STPG4: variants seen among roughly 807,000 people sequenced by gnomAD.
The protein encoded by STPG4 is sperm-tail PG-rich repeat containing 4.
STPG4 carries 41 observed loss-of-function variants against 31.5 expected under a neutral mutation model. That is an observed-to-expected ratio of 1.30 (90% confidence interval 1.01 to 1.69). STPG4 has a LOEUF of 1.69. Ranked by LOEUF, STPG4 falls within the 40% of genes most tolerant of loss-of-function variation. The probability of loss-of-function intolerance (pLI) is 0.00; values close to 1 mark genes in which losing one functional copy is unlikely to be tolerated. For synonymous variants in STPG4, 141 were observed against 103.0 expected (o/e 1.37, Z -2.24); for missense variants, 375 against 293.4 (o/e 1.28, Z -2.03).
intron 1 of STPG4, among the ~76,000 whole-genome samples, 157 bp downstream of exon 1, chr2:47,155,014 G>A (rs77530069): frequency 0.039 from 5,938 of 152,166 alleles, 367 homozygotes; most frequent in African/African-American, 0.14. Flanking sequence ...CAGGAAGGAA[G>A]GTCCGCAGGT....
chr2:47,087,235 G>T, intron 6 of STPG4, 105 bp from the exon 7 acceptor site: 2 of 1,347,010 alleles, frequency 1.5e-6, no homozygotes, highest in Non-Finnish European at 2.0e-6. Flanking sequence ...ATTCCCCAAG[G>T]ATGAAGACCA....
Position 47,155,268 on chromosome 2 carries a change from T to A in STPG4, c.-17A>T, listed in dbSNP as rs1424708126. 6.2e-7 allele frequency: 1 copy of A among 1,613,842 alleles called. No individual in the cohort carries two copies. Among genetic ancestry groups the A allele is most frequent in the Non-Finnish European group, 8.5e-7 (1 of 1,179,806 alleles). On this transcript the variant is annotated 5_prime_UTR_variant, in exon 1 of 7. Coordinates refer to ENST00000445927, the MANE Select transcript of STPG4 (RefSeq NM_001163561.2). ...CTGGTCCATGGTGGCCTCCTCTCTC[T>A]CTAGGCTGAACCTGAGCTCCGGTTG... is the stretch of plus-strand genomic sequence containing the variant.
At chr2:47,119,511 A>G (rs1686223718) in intron 5 of STPG4, among the ~76,000 whole-genome samples, 2 of 152,206 alleles carry the variant, frequency 1.3e-5, no homozygotes, top group African/African-American at 4.8e-5. Flanking sequence ...ACTAATAGTA[A>G]ACAAATCATT....
intron 5 of STPG4, among the ~76,000 whole-genome samples, chr2:47,091,401 C>A (rs1052004378): frequency 6.6e-6 from 1 of 152,212 alleles, no homozygotes; most frequent in African/African-American, 2.4e-5. Flanking sequence ...AGTCTTCAGC[C>A]TAGAATGTGG....
At chr2:47,123,903 G>A (rs190048073) in intron 5 of STPG4, among the ~76,000 whole-genome samples, 3 of 152,128 alleles carry the variant, frequency 2.0e-5, no homozygotes, top group African/African-American at 7.2e-5. Flanking sequence ...AGGATAAATG[G>A]GGTATCCATC....
chr2:47,153,497 A>C (rs1686975300), intron 1 of STPG4, among the ~76,000 whole-genome samples: 1 of 152,256 alleles, frequency 6.6e-6, no homozygotes, highest in Admixed American at 6.5e-5. Context: ...TCACGCCTGT[A>C]ATCTCAGCAC....
intron 5 of STPG4, among the ~76,000 whole-genome samples, chr2:47,109,373 A>G (rs1241097866): frequency 5.9e-5 from 9 of 152,176 alleles, no homozygotes; most frequent in African/African-American, 1.9e-4. Context: ...CCTGGCCAAC[A>G]TGGTGAAACC....
chr2:47,089,511 C>A (rs1685525450), intron 6 of STPG4, among the ~76,000 whole-genome samples: 2 of 152,322 alleles, frequency 1.3e-5, no homozygotes, highest in South Asian at 4.1e-4. Flanking sequence ...TGGGTGGGCC[C>A]ATTTTCTTAC....
At chr2:47,091,142 A>AGGAAG (rs1180173370) in intron 5 of STPG4, among the ~76,000 whole-genome samples, 2 of 127,536 alleles carry the variant, frequency 1.6e-5, no homozygotes, top group African/African-American at 2.9e-5. Flanking sequence ...GAAGGAAAGA[A>AGGAAG]GGAAGGGAAG....
intron 5 of STPG4, among the ~76,000 whole-genome samples, chr2:47,115,503 T>C (rs1686129465): frequency 6.6e-6 from 1 of 152,212 alleles, no homozygotes; most frequent in Admixed American, 6.5e-5. Flanking sequence ...TATAGAATCC[T>C]AAGTTGAAAA....
intron 5 of STPG4, among the ~76,000 whole-genome samples, chr2:47,126,168 T>C (rs1164721405): frequency 2.6e-5 from 4 of 152,198 alleles, no homozygotes; most frequent in Admixed American, 6.5e-5. Flanking sequence ...TTCTTTCAGT[T>C]TTGTTCATTT....
chr2:47,146,675 G>T (rs761623059), intron 3 of STPG4, among the ~76,000 whole-genome samples: 1 of 152,150 alleles, frequency 6.6e-6, no homozygotes, highest in Admixed American at 6.5e-5. Context: ...TCATAGCCTT[G>T]AGTGAGACTG....
chr2:47,151,723 C>G (rs549270792), intron 2 of STPG4, among the ~76,000 whole-genome samples: 1 of 151,568 alleles, frequency 6.6e-6, no homozygotes, highest in African/African-American at 2.4e-5. Flanking sequence ...TTAAAGCAAA[C>G]GGGTTAGAGT....
intron 3 of STPG4, among the ~76,000 whole-genome samples, chr2:47,145,917 T>G (rs985786516): frequency 6.6e-6 from 1 of 152,294 alleles, no homozygotes; most frequent in African/African-American, 2.4e-5. Flanking sequence ...CGTTGAATAG[T>G]AAATTTAAAT....
At chr2:47,131,439 T>C (rs1051752743) in intron 3 of STPG4, among the ~76,000 whole-genome samples, 2 of 152,334 alleles carry the variant, frequency 1.3e-5, no homozygotes, top group Admixed American at 6.5e-5. Context: ...GATCACACTT[T>C]AAATATTCTA....
intron 5 of STPG4, among the ~76,000 whole-genome samples, chr2:47,109,556 GAA>G (rs533888510): frequency 0.013 from 1,118 of 88,794 alleles, 13 homozygotes; most frequent in African/African-American, 0.038. Context: ...CTATGTATCA[GAA>G]AAAAAAAAAA....
chr2:47,118,504 G>A (rs1480097495), intron 5 of STPG4, among the ~76,000 whole-genome samples: 1 of 152,126 alleles, frequency 6.6e-6, no homozygotes, highest in Non-Finnish European at 1.5e-5. Context: ...ATAATGTAAT[G>A]CACTTGAATC....
At chr2:47,143,639 C>T (rs1173864119) in intron 3 of STPG4, among the ~76,000 whole-genome samples, 3 of 152,100 alleles carry the variant, frequency 2.0e-5, no homozygotes, top group African/African-American at 7.2e-5. Context: ...GCGTGCGCCA[C>T]CACGCCCGGC....
At chr2:47,147,906 A>G (rs11125124) in intron 3 of STPG4, among the ~76,000 whole-genome samples, 1 of 152,088 alleles carries the variant, frequency 6.6e-6, no homozygotes, top group African/African-American at 2.4e-5. Flanking sequence ...AAATATAGAT[A>G]AGTATATGCA....
Sources: gnomAD v4.1 joint callset for allele counts (sites outside exome capture counted in the v4.1 genomes callset) on GRCh38, gnomAD v4.1.1 for gene constraint, MANE v1.5 for transcripts, NCBI Gene and HGNC (gene_info 2026-07-23, HGNC 2026-07-21) for gene names.